The following PRELID2 variants were observed in gnomAD, a reference collection of about 807,000 sequenced individuals.
PRELID2 encodes PRELI domain-containing protein 2.
Under a neutral mutation model 28.4 loss-of-function variants are expected in PRELID2, and 25 were observed. That is an observed-to-expected ratio of 0.88 (90% CI 0.64 to 1.23). The LOEUF is 1.23. PRELID2 is among the 50% of genes most tolerant of loss of function. The pLI is 0.00. For missense variants in PRELID2, 201 were observed against 214.4 expected (o/e 0.94, Z 0.39); for synonymous variants, 76 against 71.6 (o/e 1.06, Z -0.31).
At chr5:145,241,867 C>A in the PRELID2 span, among the ~76,000 whole-genome samples, 1 of 151,638 alleles carries the variant, frequency 6.6e-6, no homozygotes. Context: ...GCCATAAATA[C>A]CAAAGTACCA....
chr5:145,273,817 G>A, the PRELID2 span, among the ~76,000 whole-genome samples: 2 of 152,126 alleles, frequency 1.3e-5, no homozygotes, highest in African/African-American at 2.4e-5. Flanking sequence ...CCTCCAGAAG[G>A]TGGCAGGGAA....
chr5:145,259,205 G>A, the PRELID2 span, among the ~76,000 whole-genome samples: 1 of 152,214 alleles, frequency 6.6e-6, no homozygotes, highest in Non-Finnish European at 1.5e-5. Context: ...AGCCCTCATG[G>A]AGAACCTCTA....
At chr5:145,586,432 CAGG>C (rs1176870628) in intron 1 of PRELID2, among the ~76,000 whole-genome samples, 1 of 152,030 alleles carries the variant, frequency 6.6e-6, no homozygotes, top group Non-Finnish European at 1.5e-5. Flanking sequence ...CGCCTGAGAT[CAGG>C]AGTTCACAAC....
intron 5 of PRELID2, among the ~76,000 whole-genome samples, chr5:145,772,543 A>G (rs1280345934): frequency 6.6e-6 from 1 of 152,228 alleles, no homozygotes; most frequent in Non-Finnish European, 1.5e-5. Context: ...ACATGGCAGA[A>G]GGCACCACTT....
intron 1 of PRELID2, among the ~76,000 whole-genome samples, chr5:145,647,722 T>C (rs1025158309): frequency 6.6e-6 from 1 of 152,182 alleles, no homozygotes; most frequent in African/African-American, 2.4e-5. Flanking sequence ...GTGGGAAAAG[T>C]GCAGTATCTG....
chr5:145,705,364 TGG>T lies in PRELID2; in HGVS notation n.70+59565_70+59566del, dbSNP rs371051136. Among the ~76,000 whole-genome samples the T allele has an allele frequency of 3.3e-3, 502 of 151,682 alleles. 2 individuals are homozygous for T. Among genetic ancestry groups the T allele is most frequent in the East Asian group, 0.016 (83 of 5,136 alleles). On this transcript the variant is annotated intron_variant and non_coding_transcript_variant, in intron 1 of 2. Coordinates refer to the PRELID2 transcript ENST00000510259. ...TGCTACTATGCCCAGCTAATTTTTG[TGG>T]GTTTTTTTTGTATTTTTAGTAGAGA...
intron 1 of PRELID2, among the ~76,000 whole-genome samples, chr5:145,647,039 G>A (rs1423090759): frequency 1.3e-5 from 2 of 152,196 alleles, no homozygotes; most frequent in East Asian, 1.9e-4. Context: ...AGCAGAGCTC[G>A]AACGCTGTGC....
chr5:145,436,248 CT>C, the PRELID2 span, among the ~76,000 whole-genome samples: 2 of 152,130 alleles, frequency 1.3e-5, no homozygotes, highest in African/African-American at 2.4e-5. Flanking sequence ...ATTCAGGTTG[CT>C]GCAAAAGACA....
intron 1 of PRELID2, among the ~76,000 whole-genome samples, chr5:145,742,939 C>T (rs1488296083): frequency 6.6e-6 from 1 of 151,994 alleles, no homozygotes; most frequent in Non-Finnish European, 1.5e-5. Context: ...TAAGGAAGTA[C>T]TATTTGACCA....
chr5:145,799,254 A>G (rs1752972822), intron 4 of PRELID2, among the ~76,000 whole-genome samples: 1 of 151,748 alleles, frequency 6.6e-6, no homozygotes, highest in Non-Finnish European at 1.5e-5. Flanking sequence ...CTACAAGACA[A>G]AAATACTACA....
At chr5:145,412,619 T>A in the PRELID2 span, among the ~76,000 whole-genome samples, 1 of 152,322 alleles carries the variant, frequency 6.6e-6, no homozygotes, top group East Asian at 1.9e-4. Context: ...TTATTCTGAG[T>A]CCTCCAAACT....
At chr5:145,590,304 G>A (rs1460604293) in intron 1 of PRELID2, among the ~76,000 whole-genome samples, 11 of 152,110 alleles carry the variant, frequency 7.2e-5, no homozygotes, top group Non-Finnish European at 1.0e-4. Flanking sequence ...TCACCCAAAT[G>A]AGAAATATCC....
chr5:145,578,429 T>C (rs1025784144), intron 1 of PRELID2, among the ~76,000 whole-genome samples: 1 of 152,136 alleles, frequency 6.6e-6, no homozygotes, highest in African/African-American at 2.4e-5. Flanking sequence ...TGCTCAGATA[T>C]GTCTAGCTCC....
Position 145,819,945 on chromosome 5 carries a change from C to T in PRELID2, c.207G>A (p.Lys69=). The T allele has an allele frequency of 1.3e-6, 2 of 1,572,630 alleles. No individual in the cohort carries two copies. The highest frequency in any genetic ancestry group is 2.2e-5 in the East Asian group (1 of 44,510). Residue 69 remains lysine, a splice_region_variant and synonymous_variant, in exon 3 of 7, where the codon AAG becomes AAA. Transcript: ENST00000683046. ...CQNVVPEILR[K]VSILKVPNIQ... is the part of the protein sequence containing the mutation. Reference sequence around the variant, plus strand: ...TGATTACATTTTAAAATGAACTTACCTTCCTTAAAATTTCTGGAACCACGT... The same window carrying T: ...TGATTACATTTTAAAATGAACTTACTTTCCTTAAAATTTCTGGAACCACGT...
At chr5:145,747,560 G>A (rs1757023707) in intron 1 of PRELID2, among the ~76,000 whole-genome samples, 1 of 152,114 alleles carries the variant, frequency 6.6e-6, no homozygotes, top group African/African-American at 2.4e-5. Flanking sequence ...AAAAAGCCCA[G>A]GACCAGATTG....
the PRELID2 span, among the ~76,000 whole-genome samples, chr5:145,433,005 A>G: frequency 1.3e-5 from 2 of 152,116 alleles, no homozygotes; most frequent in African/African-American, 4.8e-5. Context: ...TCAACTCCAT[A>G]TCTTTATACA....
the PRELID2 span, among the ~76,000 whole-genome samples, chr5:145,434,515 T>C: frequency 3.3e-5 from 5 of 152,336 alleles, no homozygotes; most frequent in African/African-American, 1.2e-4. Context: ...GCCAGGCTCA[T>C]ATTGAAACAG....
At chr5:145,355,242 A>T in the PRELID2 span, among the ~76,000 whole-genome samples, 4 of 152,186 alleles carry the variant, frequency 2.6e-5, no homozygotes, top group African/African-American at 9.6e-5. Flanking sequence ...AGGGGTAAAA[A>T]TACCATAGAA....
At chr5:145,386,402 C>T in the PRELID2 span, among the ~76,000 whole-genome samples, 3 of 152,018 alleles carry the variant, frequency 2.0e-5, no homozygotes, top group South Asian at 2.1e-4. Context: ...CAGTTTCTCC[C>T]ATGCTGTTCT....
Sources: allele counts gnomAD v4.1 joint callset (sites outside exome capture counted in the v4.1 genomes callset), GRCh38; gene constraint gnomAD v4.1.1; transcripts MANE v1.5; gene names NCBI Gene and HGNC (gene_info 2026-07-23, HGNC 2026-07-21).